The following PDS5A variants were observed in gnomAD, a reference collection of about 807,000 sequenced individuals.
PDS5A encodes the protein sister chromatid cohesion protein PDS5 homolog A.
In PDS5A, 42 loss-of-function variants were observed where a neutral mutation model predicts 167.1. The observed-to-expected ratio is 0.25, with a 90% CI of 0.20 to 0.33. The LOEUF is 0.33. Among genes scored for constraint, PDS5A ranks in the 10% least tolerant of loss-of-function variants. The pLI is 1.00. For synonymous variants in PDS5A, 553 were observed against 554.6 expected, an observed-to-expected ratio of 1.00 and a Z score of 0.04; for missense variants, 1,033 against 1,605.9, an observed-to-expected ratio of 0.64 and a Z score of 6.10.
chr4:39,833,060 G>A lies in PDS5A; in HGVS notation c.4010+4796C>T, dbSNP rs1238471533. Among the ~76,000 whole-genome samples, 7 of 148,834 alleles carry A rather than the reference G, an allele frequency of 4.7e-5. No individual in the cohort carries two copies. In the South Asian group the frequency reaches 1.3e-3, roughly 27 times the overall value. ...TATAAAATTAGCTGGGTGTGGTGGC[G>A]GGCGCCTGTAATCCCAGATACTAGG... On this transcript the variant is annotated intron_variant, in intron 32 of 32. Transcript: ENST00000303538.
intron 16 of PDS5A, among the ~76,000 whole-genome samples, chr4:39,892,011 T>A (rs776382250): frequency 2.6e-5 from 4 of 152,078 alleles, no homozygotes; most frequent in Non-Finnish European, 5.9e-5. Context: ...CTCAGGAGGC[T>A]GAGGTGGGGG....
At chr4:39,868,273 G>C (rs962787795) in intron 22 of PDS5A, among the ~76,000 whole-genome samples, 1 of 152,124 alleles carries the variant, frequency 6.6e-6, no homozygotes, top group Non-Finnish European at 1.5e-5. Flanking sequence ...CGATCCTCCT[G>C]CCTCAGCTTT....
intron 2 of PDS5A, among the ~76,000 whole-genome samples, chr4:39,939,526 G>A (rs150007297): frequency 2.0e-5 from 3 of 152,016 alleles, no homozygotes; most frequent in Non-Finnish European, 4.4e-5. Context: ...TGGGCAAAGT[G>A]GCTCACGCCT....
At chr4:39,945,881 T>C (rs534736983) in intron 2 of PDS5A, among the ~76,000 whole-genome samples, 1 of 152,180 alleles carries the variant, frequency 6.6e-6, no homozygotes, top group South Asian at 2.1e-4. Context: ...GCAGTTTTTC[T>C]AAGGTTAAAC....
intron 16 of PDS5A, among the ~76,000 whole-genome samples, chr4:39,895,380 T>C (rs1423246851): frequency 6.6e-6 from 1 of 152,174 alleles, no homozygotes; most frequent in Non-Finnish European, 1.5e-5. Context: ...ATTTGTGTAT[T>C]TGAACATTAT....
intron 6 of PDS5A, among the ~76,000 whole-genome samples, 170 bp from the exon 7 acceptor site, chr4:39,920,569 C>T: frequency 6.6e-6 from 1 of 152,068 alleles, no homozygotes; most frequent in East Asian, 1.9e-4. Flanking sequence ...GCCAAATATC[C>T]TCTAGTCAAG....
At chr4:39,857,019 T>TA (rs982355248) in intron 26 of PDS5A, among the ~76,000 whole-genome samples, 3 of 152,024 alleles carry the variant, frequency 2.0e-5, no homozygotes, top group Non-Finnish European at 4.4e-5. Context: ...ACTAGGTTGT[T>TA]AGAAGTTTGA....
intron 11 of PDS5A, among the ~76,000 whole-genome samples, chr4:39,905,461 G>T (rs62307945): frequency 0.04 from 6,055 of 152,298 alleles, 144 homozygotes; most frequent in Non-Finnish European, 0.064. Context: ...GGGAGGCTGA[G>T]GCAGGGAAAT....
At chr4:39,937,161 T>G (rs139153295) in intron 2 of PDS5A, among the ~76,000 whole-genome samples, 1 of 152,054 alleles carries the variant, frequency 6.6e-6, no homozygotes, top group African/African-American at 2.4e-5. Flanking sequence ...GCCTCCCTCT[T>G]CTCCTGGGAG....
intron 16 of PDS5A, among the ~76,000 whole-genome samples, chr4:39,894,426 T>G (rs747414956): frequency 2.7e-5 from 4 of 150,772 alleles, no homozygotes; most frequent in Non-Finnish European, 5.9e-5. Flanking sequence ...AAGAAAAAAA[T>G]AAGTAAGTAA....
chr4:39,929,606 CGTGTGTGTGT>C (rs58333282), intron 2 of PDS5A, among the ~76,000 whole-genome samples: 3 of 130,814 alleles, frequency 2.3e-5, no homozygotes, highest in South Asian at 2.4e-4. Context: ...CCTATTGGGG[CGTGTGTGTGT>C]GTGTGTGTGT....
In PDS5A at chr4:39,845,836, T is replaced by A; in HGVS notation, c.3384A>T (p.Val1128=). The stretch of plus-strand genomic sequence containing the variant: ...ATAATACCTTTCCTGTTAACAGAAG[T>A]ACTCTTGTCTCTTCTGAAATATAAC... ...DKSYISEETR[V]LLLTGKPKPA... is the part of the protein sequence containing the mutation. Residue 1128 remains valine, a synonymous_variant, in exon 29 of 33, where the codon GTA becomes GTT. Coordinates refer to ENST00000303538, the MANE Select transcript of PDS5A (RefSeq NM_001100399.2). 1 of 1,401,888 alleles carries A rather than the reference T, an allele frequency of 7.1e-7. No homozygotes were observed. Among genetic ancestry groups the A allele is most frequent in the Non-Finnish European group, 9.3e-7 (1 of 1,071,104 alleles). The allele number at this position is 1,401,888 out of a possible 1,614,324, so 86.8% of individuals were successfully genotyped here.
intron 31 of PDS5A, among the ~76,000 whole-genome samples, chr4:39,840,407 G>A (rs1716881844): frequency 6.6e-6 from 1 of 152,176 alleles, no homozygotes; most frequent in Admixed American, 6.5e-5. Context: ...GGCTGAGGAG[G>A]GTGGATCACC....
intron 28 of PDS5A, 87 bp downstream of exon 28, chr4:39,848,764 A>AC: frequency 8.3e-7 from 1 of 1,211,438 alleles, no homozygotes; most frequent in Non-Finnish European, 1.2e-6. Context: ...TGTGGTCAAG[A>AC]CAATTCAATA....
At chr4:39,903,925 ATTT>A in intron 12 of PDS5A, 112 bp downstream of exon 12, 2 of 537,982 alleles carry the variant, frequency 3.7e-6, no homozygotes. Flanking sequence ...AATAAACTTA[ATTT>A]TATTTATGAA....
intron 2 of PDS5A, among the ~76,000 whole-genome samples, chr4:39,949,301 C>CAAAAAAAA (rs71645201): frequency 2.4e-4 from 23 of 93,890 alleles, no homozygotes; most frequent in Non-Finnish European, 3.2e-4. Context: ...GAACCTATCT[C>CAAAAAAAA]AAAAAAAAAA....
rs1719029872 is a variant in PDS5A, at chr4:39,861,826, T to G, written c.3086+393A>C. ...ATTTTTTAAAAGATATTTGAAAGTG[T>G]TGCATGCTAGAGAGAACAAAGAATA... is the stretch of plus-strand genomic sequence containing the variant. On this transcript the variant is annotated intron_variant, in intron 26 of 32. Transcript: ENST00000303538. Among the ~76,000 whole-genome samples, 3 of 152,204 alleles carry G rather than the reference T, an allele frequency of 2.0e-5. No homozygotes were observed. In the South Asian group the frequency reaches 6.2e-4, roughly 32 times the overall value.
intron 20 of PDS5A, among the ~76,000 whole-genome samples, chr4:39,874,040 T>C (rs1354670545): frequency 6.6e-6 from 1 of 152,124 alleles, no homozygotes; most frequent in Non-Finnish European, 1.5e-5. Context: ...TGAAACTTTA[T>C]CTCAAAAACA....
chr4:39,834,729 CTATTTT>C (rs1716233796), intron 32 of PDS5A, among the ~76,000 whole-genome samples: 10 of 152,156 alleles, frequency 6.6e-5, no homozygotes, highest in Admixed American at 6.5e-4. Context: ...GAGAAAGTTT[CTATTTT>C]TATCTCTTAA....
Sources: allele counts gnomAD v4.1 joint callset (sites outside exome capture counted in the v4.1 genomes callset), GRCh38; gene constraint gnomAD v4.1.1; transcripts MANE v1.5; gene names NCBI Gene and HGNC (gene_info 2026-07-23, HGNC 2026-07-21).